The following OCA2 variants were observed in gnomAD, a reference collection of about 807,000 sequenced individuals.
The protein encoded by OCA2 is P protein.
Under a neutral mutation model 100.2 loss-of-function variants are expected in OCA2, and 77 were observed. That is an observed-to-expected ratio of 0.77 (90% confidence interval 0.64 to 0.93). The LOEUF is 0.93. OCA2 is among the 40% of genes least tolerant of loss of function. The probability of loss-of-function intolerance (pLI) is 0.00; values close to 1 mark genes in which losing one functional copy is unlikely to be tolerated. For missense variants in OCA2, 1,062 were observed against 1,089.1 expected (o/e 0.98, Z 0.35); for synonymous variants, 432 against 439.2 (o/e 0.98, Z 0.21).
chr15:27,971,081 C>T (rs917715653), intron 14 of OCA2, among the ~76,000 whole-genome samples: 4 of 151,000 alleles, frequency 2.6e-5, no homozygotes, highest in Non-Finnish European at 2.9e-5. Context: ...GCCTGAAGAA[C>T]GCCCCAGCAT....
chr15:27,826,880 C>G (rs1012400464), intron 23 of OCA2, among the ~76,000 whole-genome samples: 3 of 152,258 alleles, frequency 2.0e-5, no homozygotes, highest in African/African-American at 7.2e-5. Context: ...ACTTCCCAAA[C>G]TTATTTGAAA....
chr15:28,087,443 AAGGTAAAAGAATAT>A (rs1432368935), intron 1 of OCA2, among the ~76,000 whole-genome samples: 8 of 152,196 alleles, frequency 5.3e-5, no homozygotes, highest in Admixed American at 5.2e-4. Context: ...GAACATCAGG[AAGGTAAAAGAATAT>A]AGGTAAGGAG....
At chr15:27,824,096 G>A (rs560119845) in intron 23 of OCA2, among the ~76,000 whole-genome samples, 72 of 152,272 alleles carry the variant, frequency 4.7e-4, no homozygotes, top group African/African-American at 1.4e-3. Context: ...GGCCAGGCGC[G>A]GTGGCTCATG....
chr15:28,016,288 GAGAA>G, intron 7 of OCA2, 102 bp from the exon 8 acceptor site: 5 of 900,168 alleles, frequency 5.6e-6, no homozygotes, highest in Middle Eastern at 2.1e-4. Context: ...AAAAGAAAAG[GAGAA>G]AGAAAGAAAC....
chr15:27,918,859 A>T (rs985307492), intron 19 of OCA2, among the ~76,000 whole-genome samples: 2 of 152,234 alleles, frequency 1.3e-5, no homozygotes, highest in African/African-American at 4.8e-5. Context: ...CAACGAATAG[A>T]ATGAGAAGAC....
chr15:28,094,363 C>G (rs955006979), intron 1 of OCA2, among the ~76,000 whole-genome samples: 2 of 152,118 alleles, frequency 1.3e-5, no homozygotes, highest in African/African-American at 2.4e-5. Flanking sequence ...GGGCAGAGCT[C>G]CCGCCCGTAG....
the OCA2 span, among the ~76,000 whole-genome samples, chr15:27,735,789 C>T: frequency 2.0e-5 from 3 of 152,270 alleles, no homozygotes; most frequent in African/African-American, 7.2e-5. Flanking sequence ...ATCTTGTACA[C>T]AGCAAAACTG....
At chr15:27,862,763 C>A (rs910861466) in intron 21 of OCA2, among the ~76,000 whole-genome samples, 7 of 151,966 alleles carry the variant, frequency 4.6e-5, no homozygotes, top group African/African-American at 1.7e-4. Context: ...GCATGAGCCT[C>A]CGTACCCAGC....
intron 19 of OCA2, among the ~76,000 whole-genome samples, chr15:27,886,991 T>C: frequency 6.6e-6 from 1 of 152,150 alleles, no homozygotes; most frequent in East Asian, 1.9e-4. Flanking sequence ...AATTGAATCA[T>C]GGGGGGCTGC....
intron 9 of OCA2, among the ~76,000 whole-genome samples, chr15:28,012,987 C>T (rs996651476): frequency 5.3e-5 from 8 of 152,136 alleles, no homozygotes; most frequent in Non-Finnish European, 1.0e-4. Context: ...TTATCTTAGG[C>T]GGGCAGTGGG....
chr15:28,036,646 T>C (rs2043051809), intron 2 of OCA2, among the ~76,000 whole-genome samples: 2 of 152,334 alleles, frequency 1.3e-5, no homozygotes, highest in South Asian at 4.1e-4. Flanking sequence ...CCCTTGGTTC[T>C]TTCTAGATCA....
At chr15:28,053,308 C>G (rs1019514231) in intron 2 of OCA2, among the ~76,000 whole-genome samples, 1 of 152,138 alleles carries the variant, frequency 6.6e-6, no homozygotes, top group South Asian at 2.1e-4. Context: ...CCTTCACACA[C>G]CTGGGAAGGA....
rs781727577 is a variant in OCA2, at chr15:28,081,703, G to A, written c.172C>T (p.Gln58Ter). ...TGGCCTGCAGGAGCCCAAGAGCTCT[G>A]CCCGGCAGCCCCCCTGGGGCAGGAG... ...SHSCPRGAAG[Q>*]SSWAPAGQEF... Residue 58 changes from glutamine (Q) to a stop codon, truncating the protein, a stop_gained, in exon 2 of 24, where the codon CAG becomes TAG. Coordinates refer to ENST00000354638, the MANE Select transcript of OCA2 (RefSeq NM_000275.3). LOFTEE classifies it high-confidence loss of function. 1 of 1,613,716 alleles carries A rather than the reference G, an allele frequency of 6.2e-7. No individual in the cohort carries two copies. Among genetic ancestry groups the A allele is most frequent in the African/African-American group, 1.3e-5 (1 of 74,932 alleles).
chr15:27,865,322 C>A (rs1247325932), intron 21 of OCA2, among the ~76,000 whole-genome samples: 3 of 152,182 alleles, frequency 2.0e-5, no homozygotes, highest in Non-Finnish European at 4.4e-5. Context: ...CGCTCTCTGA[C>A]CCTTTTTAAG....
intron 23 of OCA2, among the ~76,000 whole-genome samples, chr15:27,760,242 G>T (rs1483194425): frequency 6.6e-6 from 1 of 151,788 alleles, no homozygotes; most frequent in East Asian, 1.9e-4. Context: ...TGATCTCTGT[G>T]TTACCTCAAC....
intron 9 of OCA2, among the ~76,000 whole-genome samples, chr15:27,997,111 G>GAAAGA (rs1215487331): frequency 5.3e-5 from 4 of 75,970 alleles, no homozygotes; most frequent in African/African-American, 1.2e-4. Flanking sequence ...AGAAAGAAAA[G>GAAAGA]AAAGGAAGGA....
chr15:27,803,933 A>T (rs2033717413), intron 23 of OCA2, among the ~76,000 whole-genome samples: 1 of 152,194 alleles, frequency 6.6e-6, no homozygotes, highest in Non-Finnish European at 1.5e-5. Context: ...TTAAAATTTA[A>T]ATACACACCA....
intron 18 of OCA2, among the ~76,000 whole-genome samples, chr15:27,928,270 G>A (rs764381833): frequency 1.3e-5 from 2 of 152,262 alleles, no homozygotes; most frequent in East Asian, 3.9e-4. Context: ...TGGAAAAAAT[G>A]TTAGAGAAAA....
chr15:27,842,830 ACACACACACGCATAGGTGT>A (rs1232714302), intron 23 of OCA2, among the ~76,000 whole-genome samples: 6 of 152,198 alleles, frequency 3.9e-5, no homozygotes. Flanking sequence ...ACACACGCAC[ACACACACACGCATAGGTGT>A]GTCACACACT....
Sources: allele counts gnomAD v4.1 joint callset (sites outside exome capture counted in the v4.1 genomes callset), GRCh38; gene constraint gnomAD v4.1.1; transcripts MANE v1.5; gene names NCBI Gene and HGNC (gene_info 2026-07-23, HGNC 2026-07-21).